Variants in GABRA2 observed in about 807,000 individuals in gnomAD.
GABRA2 encodes gamma-aminobutyric acid type A receptor subunit alpha2, also known as gamma-aminobutyric acid receptor subunit alpha-2.
A neutral mutation model predicts 48.7 loss-of-function variants in GABRA2; 16 were observed. The observed-to-expected ratio is 0.33, with a 90% CI of 0.22 to 0.50. The LOEUF (loss-of-function observed/expected upper bound fraction) is 0.50. Among genes scored for constraint, GABRA2 ranks in the 20% least tolerant of loss-of-function variants. The pLI is 0.98. For missense variants in GABRA2, 275 were observed against 535.6 expected, an observed-to-expected ratio of 0.51 and a Z score of 4.80; for synonymous variants, 185 against 184.5, an observed-to-expected ratio of 1.00 and a Z score of -0.02.
At chr4:46,348,231 T>C (rs971492896) in intron 3 of GABRA2, among the ~76,000 whole-genome samples, 34 of 152,098 alleles carry the variant, frequency 2.2e-4, no homozygotes, top group Non-Finnish European at 2.8e-4. Flanking sequence ...TGAGATACCA[T>C]CTCACACCAG....
chr4:46,272,739 G>T (rs1037337471), intron 8 of GABRA2, among the ~76,000 whole-genome samples: 1 of 151,850 alleles, frequency 6.6e-6, no homozygotes. Context: ...TGAAGCCCAG[G>T]GCATTTAGGA....
chr4:46,285,022 C>A (rs1401853333), intron 8 of GABRA2, among the ~76,000 whole-genome samples: 2 of 96,952 alleles, frequency 2.1e-5, no homozygotes, highest in African/African-American at 8.1e-5. Context: ...ATGCTGCTCA[C>A]CCTCAAAAAA....
At chr4:46,310,370 C>T (rs1727432635) in intron 5 of GABRA2, 115 bp from the exon 6 acceptor site, 1 of 593,858 alleles carries the variant, frequency 1.7e-6, no homozygotes, top group East Asian at 2.8e-5. Flanking sequence ...GCAGTAGGCT[C>T]ATTCATATTT....
chr4:46,375,262 C>A (rs190099892), intron 3 of GABRA2, among the ~76,000 whole-genome samples: 74 of 152,022 alleles, frequency 4.9e-4, no homozygotes, highest in African/African-American at 1.7e-3. Context: ...TCTTATAATA[C>A]CTTATTTGTA....
At chr4:46,316,336 G>A (rs185501739) in intron 4 of GABRA2, among the ~76,000 whole-genome samples, 2 of 152,100 alleles carry the variant, frequency 1.3e-5, no homozygotes, top group African/African-American at 4.8e-5. Context: ...GGGCCATATG[G>A]TTAGCATCAC....
chr4:46,377,348 G>A (rs548204175), intron 3 of GABRA2, among the ~76,000 whole-genome samples: 50 of 150,178 alleles, frequency 3.3e-4, no homozygotes, highest in Admixed American at 6.6e-4. Flanking sequence ...CTGCCCAGCC[G>A]CCCATCGTCT....
intron 8 of GABRA2, among the ~76,000 whole-genome samples, chr4:46,265,421 A>G (rs1373061951): frequency 8.3e-6 from 1 of 120,326 alleles, no homozygotes; most frequent in Non-Finnish European, 1.6e-5. Flanking sequence ...TATATAATAT[A>G]TTGTGTATAT....
At chr4:46,278,321 G>A (rs905075881) in intron 8 of GABRA2, among the ~76,000 whole-genome samples, 15 of 152,052 alleles carry the variant, frequency 9.9e-5, no homozygotes, top group Non-Finnish European at 2.9e-5. Flanking sequence ...ATCATCTTAG[G>A]ATCCCTATGG....
chr4:46,250,430 T>C lies in GABRA2; in HGVS notation c.1234A>G (p.Asn412Asp). The C allele has an allele frequency of 1.2e-6, 2 of 1,611,984 alleles. No homozygotes were observed. The highest frequency in any genetic ancestry group is 1.7e-6 in the Non-Finnish European group (2 of 1,178,626). ...NKPAEAKKTF[N>D]SVSKIDRMSR... ...ATTCTGTCAATTTTGCTAACACTGTTGAAAGTTTTCTTTGCTTCAGCTGGC... is the reference window on the plus strand; with the variant it reads ...ATTCTGTCAATTTTGCTAACACTGTCGAAAGTTTTCTTTGCTTCAGCTGGC... The change falls in exon 10 of 10, where the codon AAC becomes GAC. Residue 412 changes from asparagine (N) to aspartate (D), a missense_variant. Asn to Asp is a conservative substitution (Grantham distance 23, BLOSUM62 1). Transcript: ENST00000381620.
At chr4:46,315,821 G>T (rs1317917150) in intron 4 of GABRA2, among the ~76,000 whole-genome samples, 2 of 151,468 alleles carry the variant, frequency 1.3e-5, no homozygotes, top group African/African-American at 2.4e-5. Context: ...AAATCTTATT[G>T]AAGCCCTTCC....
intron 3 of GABRA2, among the ~76,000 whole-genome samples, chr4:46,381,924 A>G (rs932318455): frequency 6.6e-6 from 1 of 152,182 alleles, no homozygotes; most frequent in Admixed American, 6.5e-5. Context: ...AGTCAACTCT[A>G]TAGTTGATCA....
intron 3 of GABRA2, among the ~76,000 whole-genome samples, chr4:46,344,188 A>G (rs1733764153): frequency 6.6e-6 from 1 of 152,042 alleles, no homozygotes; most frequent in South Asian, 2.1e-4. Context: ...TTAGGCTAGA[A>G]AATAGCATAC....
At chr4:46,385,216 C>T (rs1014681560) in intron 3 of GABRA2, among the ~76,000 whole-genome samples, 3 of 151,418 alleles carry the variant, frequency 2.0e-5, no homozygotes, top group Non-Finnish European at 3.0e-5. Flanking sequence ...TCACCAAACC[C>T]GGCAATAACC....
chr4:46,377,087 A>G (rs1033736589), intron 3 of GABRA2, among the ~76,000 whole-genome samples: 7 of 151,686 alleles, frequency 4.6e-5, no homozygotes, highest in Non-Finnish European at 8.8e-5. Flanking sequence ...GCTCGCTACA[A>G]CCTTCACCTC....
chr4:46,246,656 A>T lies in GABRA2; in HGVS notation c.*3652T>A, dbSNP rs1440101961. ...TAAAAAATTTGGTCATTGCTTCAAA[A>T]ACATGCAGATGAATGTCAGTGTGCC... On this transcript the variant is annotated 3_prime_UTR_variant, in exon 10 of 10. Coordinates refer to ENST00000381620, the MANE Select transcript of GABRA2 (RefSeq NM_000807.4). Among the ~76,000 whole-genome samples the T allele has an allele frequency of 6.6e-6, 1 of 151,298 alleles. No homozygotes were observed. The highest frequency in any genetic ancestry group is 1.5e-5 in the Non-Finnish European group (1 of 67,480).
intron 2 of GABRA2, among the ~76,000 whole-genome samples, chr4:46,387,878 G>A (rs1481181148): frequency 2.0e-5 from 3 of 151,952 alleles, no homozygotes; most frequent in Admixed American, 1.3e-4. Flanking sequence ...AAGTCTTCTG[G>A]TATTTTGAGA....
At position 46,298,787 on chromosome 4, in the gene GABRA2, G is replaced by A. The variant is rs541119681; in HGVS notation, c.856+4673C>T. Among the ~76,000 whole-genome samples the A allele has an allele frequency of 3.3e-5, 5 of 151,886 alleles. No homozygotes were observed. In the East Asian group the frequency reaches 7.7e-4, roughly 23 times the overall value. ...GGGAGCTTTTTTAGAAATGTTTAGG[G>A]CACTAACAGGTGAAGATATTAGTGT... On this transcript the variant is annotated intron_variant, in intron 8 of 9. Transcript: ENST00000381620.
chr4:46,310,339 A>G, intron 5 of GABRA2, 84 bp from the exon 6 acceptor site: 7 of 923,110 alleles, frequency 7.6e-6, no homozygotes, highest in Non-Finnish European at 1.2e-5. Context: ...CAGACTCGAT[A>G]GAGGTAGAGC....
chr4:46,303,889 G>T (rs1490287429), intron 7 of GABRA2, among the ~76,000 whole-genome samples: 3 of 152,052 alleles, frequency 2.0e-5, no homozygotes, highest in African/African-American at 7.2e-5. Flanking sequence ...GTGTTTCAGG[G>T]TTTGGATTTT....
Sources: allele counts gnomAD v4.1 joint callset (sites outside exome capture counted in the v4.1 genomes callset), GRCh38; gene constraint gnomAD v4.1.1; transcripts MANE v1.5; gene names NCBI Gene and HGNC (gene_info 2026-07-23, HGNC 2026-07-21).